The following LAMB3 variants were observed in gnomAD, a reference collection of about 807,000 sequenced individuals.
LAMB3 encodes the protein laminin subunit beta-3.
A neutral mutation model predicts 140.3 loss-of-function variants in LAMB3; 104 were observed. That is an observed-to-expected ratio of 0.74 (90% CI 0.63 to 0.87). LAMB3 has a LOEUF of 0.87. Among genes scored for constraint, LAMB3 ranks in the 40% least tolerant of loss-of-function variants. The probability of loss-of-function intolerance (pLI) is 0.00; values close to 1 mark genes in which losing one functional copy is unlikely to be tolerated. For synonymous variants in LAMB3, 592 were observed against 602.9 expected, an observed-to-expected ratio of 0.98 and a Z score of 0.26; for missense variants, 1,531 against 1,575.2, an observed-to-expected ratio of 0.97 and a Z score of 0.47.
chr1:209,650,185 T>A (rs1465556885), intron 2 of LAMB3, 67 bp from the exon 3 acceptor site: 2 of 1,497,794 alleles, frequency 1.3e-6, no homozygotes, highest in African/African-American at 2.8e-5. Flanking sequence ...CACCCCAGTA[T>A]CTTTCAGGGA....
chr1:209,616,346 T>A, intron 22 of LAMB3, 125 bp downstream of exon 22: 6 of 1,107,588 alleles, frequency 5.4e-6, no homozygotes, highest in South Asian at 1.2e-5. Flanking sequence ...CCAGAAAAAA[T>A]CTCATTTGAT....
At chr1:209,638,499 T>C in intron 4 of LAMB3, 35 bp downstream of exon 4, 1 of 1,356,220 alleles carries the variant, frequency 7.4e-7, no homozygotes, top group East Asian at 2.3e-5. Flanking sequence ...GTGGAGGCTG[T>C]ACAGTTTGAG....
At position 209,628,224 on chromosome 1, in the gene LAMB3, A is replaced by G. The variant is rs2076352; in HGVS notation, c.1133-34T>C. On this transcript the variant is annotated intron_variant, in intron 10 of 22. Transcript: ENST00000356082. ...CAACAGCAGCCACCGCAGTAGGAAC[A>G]AAGAAAAGTAGAGTTCAGAGCAGAT... The G allele has an allele frequency of 0.038, 58,240 of 1,550,338 alleles. 3,209 individuals carry two copies. The highest frequency in any genetic ancestry group is 0.31 in the East Asian group (12,646 of 40,914).
intron 22 of LAMB3, 92 bp from the exon 23 acceptor site, chr1:209,615,499 T>A: frequency 1.4e-6 from 2 of 1,423,150 alleles, no homozygotes; most frequent in Non-Finnish European, 1.9e-6. Context: ...TAACTGGAGG[T>A]AGCATGTGTA....
chr1:209,616,725 A>G, intron 21 of LAMB3, 101 bp from the exon 22 acceptor site: 1 of 1,185,324 alleles, frequency 8.4e-7, no homozygotes, highest in Non-Finnish European at 1.2e-6. Context: ...ACACAGTGGG[A>G]AGGTGCCTCC....
intron 21 of LAMB3, 105 bp downstream of exon 21, chr1:209,617,305 T>C (rs1195778666): frequency 7.8e-7 from 1 of 1,278,516 alleles, no homozygotes; most frequent in Non-Finnish European, 1.1e-6. Context: ...TCTGTTATTC[T>C]AAGCACTTTT....
At position 209,615,208 on chromosome 1, in the gene LAMB3, A is replaced by T; in HGVS notation, c.*63T>A. 2 of 1,610,668 alleles carry T rather than the reference A, an allele frequency of 1.2e-6. No individual in the cohort carries two copies. Among genetic ancestry groups the T allele is most frequent in the Non-Finnish European group, 1.7e-6 (2 of 1,178,482 alleles). The stretch of plus-strand genomic sequence containing the variant: ...TGGAGATGGAAAGCATTCCAACCCA[A>T]TCTGCCCCCAACCAAAAGCAAAGGC... On this transcript the variant is annotated 3_prime_UTR_variant, in exon 23 of 23. Transcript: ENST00000356082.
Position 209,618,163 on chromosome 1 carries a change from G to A in LAMB3, c.2910-115C>T, listed in dbSNP as rs2076219. ...ACACCCTTCCCAGCCAAGGCAAAGA[G>A]CAAGGAAAGTATTAACTCAGTAGCT... On this transcript the variant is annotated intron_variant, in intron 19 of 22. Transcript: ENST00000356082. The A allele has an allele frequency of 0.038, 51,380 of 1,340,436 alleles. 2,670 individuals carry two copies. The highest frequency in any genetic ancestry group is 0.26 in the East Asian group (11,153 of 42,242). 83.0% of individuals were successfully genotyped at this position (1,340,436 alleles called of 1,614,324 possible). A position where few individuals can be genotyped will look rare whatever the true frequency, so the allele number is the denominator to read the frequency against.
In LAMB3 at chr1:209,649,967, G is replaced by T. The variant is rs114295238; in HGVS notation, c.180C>A (p.Gly60=). 1.2e-6 allele frequency: 2 copies of T among 1,614,134 alleles called. No individual in the cohort carries two copies. Among genetic ancestry groups the T allele is most frequent in the Non-Finnish European group, 1.7e-6 (2 of 1,180,006 alleles). The change falls in exon 3 of 23, where the codon GGC becomes GGA. Residue 60 remains glycine, a synonymous_variant. Transcript: ENST00000356082. ...AGTCCTGGGAAGTAGGGCCTACCTC[G>T]CCATACTGGGTGCAGTAGGTCTCAG... ...TKPETYCTQY[G]EWQMKCCKCD... is the part of the protein sequence containing the mutation.
chr1:209,645,891 T>TG (rs761371681), intron 3 of LAMB3, among the ~76,000 whole-genome samples: 9 of 152,278 alleles, frequency 5.9e-5, no homozygotes, highest in Non-Finnish European at 1.0e-4. Flanking sequence ...CAGTGGTCGT[T>TG]GGAGTGTGTG....
intron 18 of LAMB3, among the ~76,000 whole-genome samples, chr1:209,621,074 G>C (rs1457369601): frequency 6.6e-6 from 1 of 152,214 alleles, no homozygotes; most frequent in African/African-American, 2.4e-5. Flanking sequence ...ACAAGTATAA[G>C]AGAGAGGACA....
At chr1:209,622,890 CT>C in intron 17 of LAMB3, 91 bp downstream of exon 17, 1 of 1,479,412 alleles carries the variant, frequency 6.8e-7, no homozygotes, top group Non-Finnish European at 9.4e-7. Flanking sequence ...AATCTCTGGA[CT>C]TTAGTGTAAA....
chr1:209,637,997 A>C lies in LAMB3; in HGVS notation c.299-16T>G. The stretch of plus-strand genomic sequence containing the variant: ...GGGTTCACATCTGGAAGGACAAAAA[A>C]TAGAAACTGTCATCCAGAGACTGTC... On this transcript the variant is annotated splice_polypyrimidine_tract_variant and intron_variant, in intron 4 of 22. Coordinates refer to ENST00000356082, the MANE Select transcript of LAMB3 (RefSeq NM_000228.3). 1 of 1,606,140 alleles carries C rather than the reference A, an allele frequency of 6.2e-7. No homozygotes were observed. Among genetic ancestry groups the C allele is most frequent in the Non-Finnish European group, 8.5e-7 (1 of 1,174,626 alleles).
At position 209,634,457 on chromosome 1, in the gene LAMB3, T is replaced by C. The variant is rs919763342; in HGVS notation, c.554A>G (p.Asn185Ser). The change falls in exon 6 of 23, where the codon AAT becomes AGT. Residue 185 changes from asparagine to serine, a missense_variant. Physicochemically the swap from Asn to Ser is conservative, Grantham distance 46. Coordinates refer to ENST00000356082, the MANE Select transcript of LAMB3 (RefSeq NM_000228.3). ...ATTCCCTCTACCTACCTTCCCCCCA[T>C]TTAGGCGTGCATTAGGCCTCTGAGG... The part of the protein sequence containing the change: ...SLPQRPNARL[N>S]GGKVQLNLMD... The C allele has an allele frequency of 2.5e-6, 4 of 1,613,854 alleles. No individual in the cohort carries two copies. In the African/African-American group the frequency reaches 4.0e-5, roughly 16 times the overall value.
At position 209,623,218 on chromosome 1, in the gene LAMB3, C is replaced by A. The variant is rs760202140; in HGVS notation, c.2359-39G>T. 16 of 1,604,560 alleles carry A rather than the reference C, an allele frequency of 1.0e-5. No homozygotes were observed. In the Middle Eastern group the frequency reaches 8.2e-4, roughly 83 times the overall value. ...GCGGTGTTAAAGAGGCTACCCAAAG[C>A]CCCTCAATAACCAATCCCACCCCAC... On this transcript the variant is annotated intron_variant, in intron 16 of 22. Coordinates refer to ENST00000356082, the MANE Select transcript of LAMB3 (RefSeq NM_000228.3). The surrounding 1 kb of genome is among the most constrained non-coding windows in gnomAD (Gnocchi z 4.2).
chr1:209,622,615 C>T lies in LAMB3; in HGVS notation c.2622G>A (p.Val874=), dbSNP rs2102412996. The change falls in exon 18 of 23, where the codon GTG becomes GTA. Residue 874 remains valine (V), a synonymous_variant. Transcript: ENST00000356082. ...QSSAQRLETQ[V]SASRSQMEED... is the part of the protein sequence containing the mutation. ...CCTCCATCTGGGAGCGGCTGGCGCTCACCTGGGTCTCCAAGCGCTGGGCAC... is the reference window on the plus strand; with the variant it reads ...CCTCCATCTGGGAGCGGCTGGCGCTTACCTGGGTCTCCAAGCGCTGGGCAC... 6.2e-7 allele frequency: 1 copy of T among 1,614,152 alleles called. No homozygotes were observed. Among genetic ancestry groups the T allele is most frequent in the Non-Finnish European group, 8.5e-7 (1 of 1,180,022 alleles).
Position 209,628,201 on chromosome 1 carries a change from A to G in LAMB3, c.1133-11T>C, listed in dbSNP as rs1035352044. 2 of 1,553,910 alleles carry G rather than the reference A, an allele frequency of 1.3e-6. No individual in the cohort carries two copies. The highest frequency in any genetic ancestry group is 2.7e-5 in the African/African-American group (2 of 73,190). Reference sequence around the variant, plus strand: ...GATCACACTCGCAGGCTGAGAGACAACAGCAGCCACCGCAGTAGGAACAAA... The same window carrying G: ...GATCACACTCGCAGGCTGAGAGACAGCAGCAGCCACCGCAGTAGGAACAAA... On this transcript the variant is annotated splice_polypyrimidine_tract_variant and intron_variant, in intron 10 of 22. Transcript: ENST00000356082.
intron 6 of LAMB3, among the ~76,000 whole-genome samples, chr1:209,633,883 G>A (rs17014955): frequency 1.3e-5 from 2 of 152,156 alleles, no homozygotes; most frequent in South Asian, 2.1e-4. Flanking sequence ...TTTGACCCAC[G>A]TTGGGAGGAC....
chr1:209,651,629 A>G (rs1558171603), intron 1 of LAMB3, among the ~76,000 whole-genome samples: 1 of 152,180 alleles, frequency 6.6e-6, no homozygotes, highest in East Asian at 1.9e-4. Flanking sequence ...AATGTCTTCA[A>G]TGATGGGCTG....
Sources: gnomAD v4.1 joint callset for allele counts (sites outside exome capture counted in the v4.1 genomes callset) on GRCh38, gnomAD v4.1.1 for gene constraint, Gnocchi (gnomAD v3.1) non-coding constraint, MANE v1.5 for transcripts, NCBI Gene and HGNC (gene_info 2026-07-23, HGNC 2026-07-21) for gene names.